FGF12: variants seen among roughly 807,000 people sequenced by gnomAD.
FGF12 encodes fibroblast growth factor 12, also known as fibroblast growth factor 12B.
FGF12 carries 14 observed loss-of-function variants against 23.6 expected under a neutral mutation model. The observed-to-expected ratio is 0.59, with a 90% CI of 0.39 to 0.93. The LOEUF (loss-of-function observed/expected upper bound fraction) is 0.93, where lower values mean the gene tolerates loss of function less well. Among genes scored for constraint, FGF12 ranks in the 40% least tolerant of loss-of-function variants. The probability of loss-of-function intolerance (pLI) is 0.00; values close to 1 mark genes in which losing one functional copy is unlikely to be tolerated. For synonymous variants in FGF12, 62 were observed against 77.3 expected, an observed-to-expected ratio of 0.80 and a Z score of 1.04; for missense variants, 175 against 217.8, an observed-to-expected ratio of 0.80 and a Z score of 1.24.
At chr3:192,224,543 A>G (rs1422700040) in intron 4 of FGF12, among the ~76,000 whole-genome samples, 2 of 152,086 alleles carry the variant, frequency 1.3e-5, no homozygotes, top group African/African-American at 2.4e-5. Context: ...TAACAAGTAA[A>G]TATCAGTTCA....
intron 4 of FGF12, among the ~76,000 whole-genome samples, chr3:192,322,018 G>A (rs187347047): frequency 0.015 from 2,322 of 152,026 alleles, 48 homozygotes; most frequent in South Asian, 0.039. Flanking sequence ...TGGAATGGAA[G>A]AAGTAAAATT....
At chr3:192,342,660 C>T (rs1717751402) in intron 3 of FGF12, among the ~76,000 whole-genome samples, 1 of 151,930 alleles carries the variant, frequency 6.6e-6, no homozygotes, top group South Asian at 2.1e-4. Flanking sequence ...CCTGTGGTCC[C>T]AGCTACTTGG....
chr3:192,704,580 C>A (rs1425950022), intron 2 of FGF12, among the ~76,000 whole-genome samples: 1 of 152,098 alleles, frequency 6.6e-6, no homozygotes, highest in Non-Finnish European at 1.5e-5. Context: ...TTCTCAAGGG[C>A]CCTACTATTT....
intron 3 of FGF12, among the ~76,000 whole-genome samples, chr3:192,353,664 C>T (rs1001016641): frequency 2.0e-5 from 3 of 151,708 alleles, no homozygotes; most frequent in African/African-American, 4.8e-5. Flanking sequence ...CCACTGTGCC[C>T]GGCTGGGAGC....
At chr3:192,687,133 G>GATTT (rs1717775944) in intron 2 of FGF12, among the ~76,000 whole-genome samples, 1 of 143,388 alleles carries the variant, frequency 7.0e-6, no homozygotes, top group South Asian at 2.2e-4. Flanking sequence ...CCAGCCCTCT[G>GATTT]ATTTATTTTT....
Position 192,405,642 on chromosome 3 carries a change from A to G in FGF12, c.14-45104T>C, listed in dbSNP as rs1426777487. On this transcript the variant is annotated intron_variant, in intron 2 of 5. Coordinates refer to ENST00000445105, the MANE Select transcript of FGF12 (RefSeq NM_004113.6). Reference sequence around the variant, plus strand: ...ATTAAGTGAATACAACATCAAAGTGATTATAAAACAGATTCGAATAGTTTT... The same window carrying G: ...ATTAAGTGAATACAACATCAAAGTGGTTATAAAACAGATTCGAATAGTTTT... Among the ~76,000 whole-genome samples, 1,278 of 147,684 alleles carry G rather than the reference A, an allele frequency of 8.7e-3. 25 individuals carry two copies. Among genetic ancestry groups the G allele is most frequent in the African/African-American group, 0.032 (1,207 of 37,944 alleles).
chr3:192,641,101 CTTTTTTT>C (rs1164796476), intron 2 of FGF12, among the ~76,000 whole-genome samples: 2 of 56,646 alleles, frequency 3.5e-5, no homozygotes, highest in African/African-American at 7.4e-5. Flanking sequence ...TGGCCTTTCA[CTTTTTTT>C]TTTTTTTTTT....
At chr3:192,451,210 T>C (rs1576990259) in intron 2 of FGF12, among the ~76,000 whole-genome samples, 1 of 152,222 alleles carries the variant, frequency 6.6e-6, no homozygotes, top group African/African-American at 2.4e-5. Context: ...TAGATATTTA[T>C]CACTTCATAA....
intron 2 of FGF12, among the ~76,000 whole-genome samples, chr3:192,686,857 G>T (rs1717760946): frequency 1.0e-5 from 1 of 99,998 alleles, no homozygotes; most frequent in Non-Finnish European, 1.8e-5. Flanking sequence ...GAGACGGAGT[G>T]TCCCTCTGTC....
At position 192,143,789 on chromosome 3, in the gene FGF12, T is replaced by C; in HGVS notation, c.*220A>G. 1 of 486,020 alleles carries C rather than the reference T, an allele frequency of 2.1e-6. No homozygotes were observed. Among genetic ancestry groups the C allele is most frequent in the Non-Finnish European group, 3.6e-6 (1 of 274,860 alleles). 30.1% of individuals were successfully genotyped at this position (486,020 alleles called of 1,614,324 possible). Reference sequence around the variant, plus strand: ...TCCTTTGCTTTTAAGTGTGCTAATCTTTGTGCACGTGAATTTTCTACCACA... The same window carrying C: ...TCCTTTGCTTTTAAGTGTGCTAATCCTTGTGCACGTGAATTTTCTACCACA... On this transcript the variant is annotated 3_prime_UTR_variant, in exon 6 of 6. Coordinates refer to ENST00000445105, the MANE Select transcript of FGF12 (RefSeq NM_004113.6).
At chr3:192,463,161 A>G (rs1576997587) in intron 2 of FGF12, among the ~76,000 whole-genome samples, 1 of 152,110 alleles carries the variant, frequency 6.6e-6, no homozygotes, top group South Asian at 2.1e-4. Flanking sequence ...GCTCATGCCT[A>G]TAATCCCAGC....
chr3:192,705,631 A>T (rs770345746), intron 2 of FGF12, among the ~76,000 whole-genome samples: 1 of 152,250 alleles, frequency 6.6e-6, no homozygotes, highest in Non-Finnish European at 1.5e-5. Flanking sequence ...ACAGATCACC[A>T]TGAAAGTTAT....
intron 4 of FGF12, among the ~76,000 whole-genome samples, chr3:192,253,324 G>A (rs1468102430): frequency 6.6e-6 from 1 of 151,976 alleles, no homozygotes; most frequent in African/African-American, 2.4e-5. Context: ...AAAAGGGAAA[G>A]GGAAGGAGGA....
In FGF12 at chr3:192,331,329, A is replaced by C. The variant is rs549591965; in HGVS notation, c.228+4032T>G. Among the ~76,000 whole-genome samples, 511 of 150,716 alleles carry C rather than the reference A, an allele frequency of 3.4e-3. 1 individual carries two copies. Among genetic ancestry groups the C allele is most frequent in the African/African-American group, 0.012 (483 of 40,970 alleles). On this transcript the variant is annotated intron_variant, in intron 4 of 5. Transcript: ENST00000445105. Reference sequence around the variant, plus strand: ...GTTTTCTCAAAAAAAAAAAAAAAAAAAAACAAAAACAAAAACAGAATTACC... The same window carrying C: ...GTTTTCTCAAAAAAAAAAAAAAAAACAAACAAAAACAAAAACAGAATTACC...
chr3:192,163,100 A>G (rs1190619478), intron 5 of FGF12, among the ~76,000 whole-genome samples: 1 of 152,282 alleles, frequency 6.6e-6, no homozygotes, highest in African/African-American at 2.4e-5. Context: ...GTAGAAGGAG[A>G]TAAATTATTT....
chr3:192,404,416 G>C (rs1291506404), intron 2 of FGF12, among the ~76,000 whole-genome samples: 1 of 152,108 alleles, frequency 6.6e-6, no homozygotes, highest in Admixed American at 6.5e-5. Context: ...TAACTTCCGA[G>C]TCAAAACATA....
At chr3:192,705,214 T>C (rs1462531195) in intron 2 of FGF12, among the ~76,000 whole-genome samples, 1 of 152,260 alleles carries the variant, frequency 6.6e-6, no homozygotes, top group Non-Finnish European at 1.5e-5. Context: ...GCCTTCAATA[T>C]GCCTTCCTCA....
At chr3:192,297,897 C>T (rs2108656461) in intron 4 of FGF12, among the ~76,000 whole-genome samples, 1 of 152,272 alleles carries the variant, frequency 6.6e-6, no homozygotes, top group African/African-American at 2.4e-5. Context: ...CACTTCTGTA[C>T]TCCAACGTGT....
intron 2 of FGF12, among the ~76,000 whole-genome samples, chr3:192,572,646 C>T (rs781410): frequency 1 from 151,869 of 152,330 alleles, 75,707 homozygotes; most frequent in Middle Eastern, 1. Context: ...ATACCACTCA[C>T]TGGGGCCAAA....
Sources: allele counts gnomAD v4.1 joint callset (sites outside exome capture counted in the v4.1 genomes callset), GRCh38; gene constraint gnomAD v4.1.1; transcripts MANE v1.5; gene names NCBI Gene and HGNC (gene_info 2026-07-23, HGNC 2026-07-21).